Variants in COX7B2 observed in about 807,000 individuals in gnomAD.
COX7B2 encodes the protein cytochrome c oxidase subunit 7B2.
For missense variants in COX7B2, 109 were observed against 95.9 expected, an observed-to-expected ratio of 1.14 and a Z score of -0.57; for synonymous variants, 37 against 32.1, an observed-to-expected ratio of 1.15 and a Z score of -0.51.
intron 1 of COX7B2, among the ~76,000 whole-genome samples, chr4:46,905,810 A>ATTTCTTTTT (rs1720344058): frequency 1.8e-4 from 11 of 60,442 alleles, no homozygotes; most frequent in Non-Finnish European, 3.8e-4. Flanking sequence ...ATAAGCATAT[A>ATTTCTTTTT]TTTCTTTTTT....
chr4:46,775,544 G>A (rs932452448), intron 2 of COX7B2, among the ~76,000 whole-genome samples: 8 of 151,998 alleles, frequency 5.3e-5, no homozygotes, highest in Middle Eastern at 3.4e-3. Flanking sequence ...TGTCTAATTG[G>A]GTCATACCGC....
chr4:46,868,234 C>G (rs1415597076), intron 1 of COX7B2, among the ~76,000 whole-genome samples: 2 of 151,998 alleles, frequency 1.3e-5, no homozygotes, highest in Non-Finnish European at 2.9e-5. Context: ...TTCTCTTTAC[C>G]ATTTCTAATT....
At chr4:46,797,151 G>C (rs191905032) in intron 2 of COX7B2, among the ~76,000 whole-genome samples, 1 of 139,512 alleles carries the variant, frequency 7.2e-6, no homozygotes, top group Non-Finnish European at 1.5e-5. Context: ...CTCAAGGAAG[G>C]ATTCTGGTAC....
chr4:46,739,540 T>G (rs1714580985), intron 2 of COX7B2, among the ~76,000 whole-genome samples: 1 of 152,074 alleles, frequency 6.6e-6, no homozygotes, highest in Admixed American at 6.6e-5. Context: ...TTGCTCTACA[T>G]AAGGAAGTAG....
At chr4:46,785,010 C>A (rs1045557340) in intron 2 of COX7B2, among the ~76,000 whole-genome samples, 1 of 152,094 alleles carries the variant, frequency 6.6e-6, no homozygotes, top group Non-Finnish European at 1.5e-5. Flanking sequence ...ATGCACAAAT[C>A]TGGCATGAAA....
At chr4:46,871,186 T>C (rs1244298594) in intron 1 of COX7B2, among the ~76,000 whole-genome samples, 2 of 151,770 alleles carry the variant, frequency 1.3e-5, no homozygotes, top group East Asian at 1.9e-4. Context: ...AGATATAAGG[T>C]TGTGCACCAA....
At chr4:46,903,235 G>A (rs2109900540) in intron 1 of COX7B2, among the ~76,000 whole-genome samples, 1 of 152,194 alleles carries the variant, frequency 6.6e-6, no homozygotes, top group African/African-American at 2.4e-5. Context: ...CCTTGAAAAT[G>A]TTCAAATCAG....
intron 1 of COX7B2, among the ~76,000 whole-genome samples, chr4:46,848,139 A>C (rs181590182): frequency 6.6e-6 from 1 of 152,086 alleles, no homozygotes; most frequent in Admixed American, 6.6e-5. Context: ...ATTCAGCCTT[A>C]CTAGGCTCCT....
chr4:46,846,916 A>G (rs1385389643), intron 1 of COX7B2, among the ~76,000 whole-genome samples: 1 of 152,012 alleles, frequency 6.6e-6, no homozygotes, highest in Non-Finnish European at 1.5e-5. Flanking sequence ...AGTGTGGGAA[A>G]AAACAGGTGA....
intron 1 of COX7B2, among the ~76,000 whole-genome samples, chr4:46,856,369 C>T (rs1339030385): frequency 6.6e-6 from 1 of 152,168 alleles, no homozygotes; most frequent in African/African-American, 2.4e-5. Context: ...TAGCTAACAT[C>T]AGCAAATTCA....
chr4:46,843,687 T>A (rs1337621192), intron 2 of COX7B2, among the ~76,000 whole-genome samples: 1 of 151,990 alleles, frequency 6.6e-6, no homozygotes, highest in Non-Finnish European at 1.5e-5. Flanking sequence ...GTTCTGCAAA[T>A]TATTAAATTT....
chr4:46,876,108 A>G (rs190146685), intron 1 of COX7B2, among the ~76,000 whole-genome samples: 24 of 152,302 alleles, frequency 1.6e-4, no homozygotes, highest in Non-Finnish European at 2.5e-4. Flanking sequence ...GAAACACACT[A>G]CATCTTATGG....
At chr4:46,870,270 G>T (rs982550848) in intron 1 of COX7B2, among the ~76,000 whole-genome samples, 3 of 151,480 alleles carry the variant, frequency 2.0e-5, no homozygotes, top group African/African-American at 7.3e-5. Context: ...AAAGGCTTTT[G>T]ATAAAATTCA....
chr4:46,802,603 G>A (rs990780301), intron 2 of COX7B2, among the ~76,000 whole-genome samples: 1 of 152,016 alleles, frequency 6.6e-6, no homozygotes, highest in Non-Finnish European at 1.5e-5. Context: ...AAGCAACAAA[G>A]AATCAATGAC....
At chr4:46,866,895 T>C (rs927007241) in intron 1 of COX7B2, among the ~76,000 whole-genome samples, 1 of 152,206 alleles carries the variant, frequency 6.6e-6, no homozygotes, top group African/African-American at 2.4e-5. Flanking sequence ...AAAAATTATA[T>C]GAACAAGTTA....
At position 46,900,003 on chromosome 4, in the gene COX7B2, T is replaced by C. The variant is rs932162171; in HGVS notation, c.-105+9157A>G. Among the ~76,000 whole-genome samples the C allele has an allele frequency of 5.3e-5, 8 of 152,286 alleles. 2 individuals are homozygous for C. Among genetic ancestry groups the C allele is most frequent in the Admixed American group, 1.3e-4 (2 of 15,288 alleles). ...ATATTCACTATATAGTCAGAAAATCTTTAATTTCATTTCTCATAAAAACAT... is the reference window on the plus strand; with the variant it reads ...ATATTCACTATATAGTCAGAAAATCCTTAATTTCATTTCTCATAAAAACAT... On this transcript the variant is annotated intron_variant, in intron 1 of 2. Transcript: ENST00000355591.
chr4:46,788,428 T>C (rs1387809468), intron 2 of COX7B2, among the ~76,000 whole-genome samples: 1 of 152,162 alleles, frequency 6.6e-6, no homozygotes, highest in Admixed American at 6.5e-5. Flanking sequence ...AAACATATGA[T>C]ATTTTTTAAC....
At chr4:46,804,053 T>C (rs150751079) in intron 2 of COX7B2, among the ~76,000 whole-genome samples, 1,673 of 152,194 alleles carry the variant, frequency 0.011, 19 homozygotes, top group Middle Eastern at 0.041. Context: ...GAGTTTCTTT[T>C]TTCTGGTGGG....
chr4:46,806,526 C>G (rs1719003913), intron 2 of COX7B2, among the ~76,000 whole-genome samples: 1 of 151,974 alleles, frequency 6.6e-6, no homozygotes, highest in Admixed American at 6.5e-5. Context: ...TATAGTTACT[C>G]AATTATTTTG....
Sources: allele counts gnomAD v4.1 joint callset (sites outside exome capture counted in the v4.1 genomes callset), GRCh38; gene constraint gnomAD v4.1.1; transcripts MANE v1.5; gene names NCBI Gene and HGNC (gene_info 2026-07-23, HGNC 2026-07-21).